The following NXPE3 variants were observed in gnomAD, a reference collection of about 807,000 sequenced individuals.
The protein encoded by NXPE3 is neurexophilin and PC-esterase domain family member 3, also known as NXPE family member 3.
A neutral mutation model predicts 46.1 loss-of-function variants in NXPE3; 26 were observed. That is an observed-to-expected ratio of 0.56 (90% CI 0.41 to 0.78). The LOEUF is 0.78. NXPE3 is among the 30% of genes least tolerant of loss of function. The pLI is 0.00. For synonymous variants in NXPE3, 272 were observed against 257.9 expected, an observed-to-expected ratio of 1.05 and a Z score of -0.52; for missense variants, 620 against 686.0, an observed-to-expected ratio of 0.90 and a Z score of 1.07.
In NXPE3 at chr3:101,801,588, C is replaced by G; in HGVS notation, c.447C>G (p.His149Gln). The G allele has an allele frequency of 6.2e-7, 1 of 1,614,236 alleles. No homozygotes were observed. The highest frequency in any genetic ancestry group is 8.5e-7 in the Non-Finnish European group (1 of 1,180,036). The change falls in exon 5 of 8, where the codon CAC (histidine) becomes CAG (glutamine). Residue 149 changes from histidine to glutamine, a missense_variant. His to Gln is a conservative substitution (Grantham distance 24). Around this residue, in one of 3 missense-constraint regions of NXPE3, gnomAD observed 511 missense variants for 528.6 expected, o/e 0.97. Transcript: ENST00000273347. ...YGGDYLQARI[H>Q]SLKLQAGAVG... ...GAGACTACCTGCAGGCCAGAATTCA[C>G]TCCCTCAAGCTGCAGGCTGGGGCTG...
At chr3:101,814,204 G>T (rs559210255) in intron 6 of NXPE3, among the ~76,000 whole-genome samples, 12 of 152,286 alleles carry the variant, frequency 7.9e-5, no homozygotes, top group African/African-American at 1.9e-4. Flanking sequence ...AATGTTTTCT[G>T]TGGGCCCTAG....
At position 101,816,847 on chromosome 3, in the gene NXPE3, T is replaced by C. The variant is rs1941993648; in HGVS notation, c.975T>C (p.Tyr325=). 6.2e-7 allele frequency: 1 copy of C among 1,614,044 alleles called. No individual in the cohort carries two copies. The highest frequency in any genetic ancestry group is 1.3e-5 in the African/African-American group (1 of 74,928). The part of the protein sequence containing the change: ...SQGSGTFPSG[Y]YYKDQWRPRK... The stretch of plus-strand genomic sequence containing the variant: ...GCTCAGGAACTTTTCCTTCTGGGTA[T>C]TATTATAAAGACCAGTGGAGGCCCA... The change falls in exon 7 of 8, where the codon TAT becomes TAC. Residue 325 remains tyrosine (Y), a synonymous_variant. Transcript: ENST00000273347.
At chr3:101,781,977 C>G (rs1277829138) in intron 1 of NXPE3, 133 bp from the exon 2 acceptor site, 2 of 152,096 alleles carry the variant, frequency 1.3e-5, no homozygotes, top group Non-Finnish European at 1.5e-5. Flanking sequence ...GGAAACGTTC[C>G]TATGCCCACT....
In NXPE3 at chr3:101,827,705, C is replaced by A. The variant is rs752835328; in HGVS notation, c.*5751C>A. 5.3e-5 allele frequency among the ~76,000 whole-genome samples: 8 copies of A among 152,128 alleles called. No individual in the cohort carries two copies. The highest frequency in any genetic ancestry group is 1.2e-4 in the Non-Finnish European group (8 of 68,026). ...CTGATTCCTCCCTGCGGCTCCAGTC[C>A]AGGTCTTGGAGCCGGCCCTCGAGGG... On this transcript the variant is annotated 3_prime_UTR_variant, in exon 8 of 8. Transcript: ENST00000273347.
chr3:101,791,406 G>T (rs1940510834), intron 4 of NXPE3, among the ~76,000 whole-genome samples: 1 of 151,748 alleles, frequency 6.6e-6, no homozygotes. Flanking sequence ...TTATTTTTGG[G>T]TCAGAGTCTT....
intron 3 of NXPE3, among the ~76,000 whole-genome samples, chr3:101,783,304 G>A (rs1301241622): frequency 6.6e-6 from 1 of 151,478 alleles, no homozygotes; most frequent in East Asian, 2.0e-4. Flanking sequence ...CTTGTGATCC[G>A]CCTGCCTCGG....
intron 4 of NXPE3, among the ~76,000 whole-genome samples, chr3:101,799,270 C>A (rs1199007298): frequency 5.3e-5 from 8 of 152,014 alleles, no homozygotes; most frequent in African/African-American, 1.5e-4. Context: ...AAGATGAGGC[C>A]TCTGCTTCAT....
intron 6 of NXPE3, among the ~76,000 whole-genome samples, chr3:101,814,395 A>G (rs1291519085): frequency 6.6e-6 from 1 of 152,206 alleles, no homozygotes; most frequent in African/African-American, 2.4e-5. Context: ...TGATAATCGC[A>G]TTTGCCAAAT....
intron 3 of NXPE3, among the ~76,000 whole-genome samples, chr3:101,784,851 A>G (rs576861717): frequency 5.3e-5 from 8 of 152,170 alleles, no homozygotes; most frequent in Non-Finnish European, 1.2e-4. Flanking sequence ...CATCAGGACC[A>G]CATATGTGGT....
At position 101,827,600 on chromosome 3, in the gene NXPE3, T is replaced by C. The variant is rs1942551400; in HGVS notation, c.*5646T>C. On this transcript the variant is annotated 3_prime_UTR_variant, in exon 8 of 8. Transcript: ENST00000273347. ...GAGGTGAATCTAATGAGAAGGCAACTCTAATGCCCATCAGGAGATTCACTA... is the reference window on the plus strand; with the variant it reads ...GAGGTGAATCTAATGAGAAGGCAACCCTAATGCCCATCAGGAGATTCACTA... 6.6e-6 allele frequency among the ~76,000 whole-genome samples: 1 copy of C among 152,170 alleles called. No homozygotes were observed. The highest frequency in any genetic ancestry group is 6.5e-5 in the Admixed American group (1 of 15,280).
intron 6 of NXPE3, among the ~76,000 whole-genome samples, chr3:101,813,246 C>G (rs1423713146): frequency 6.6e-6 from 1 of 152,202 alleles, no homozygotes; most frequent in Non-Finnish European, 1.5e-5. Flanking sequence ...CCCTTATAAA[C>G]TGTGTACTCC....
At chr3:101,817,061 C>A in intron 7 of NXPE3, 60 bp downstream of exon 7, 1 of 1,428,956 alleles carries the variant, frequency 7.0e-7, no homozygotes, top group Non-Finnish European at 9.9e-7. Context: ...AATAAGCAGA[C>A]TCACTCAGGT....
rs778649548 is a variant in NXPE3 at position 101,782,733 on chromosome 3, G to C, written c.-243G>C. ...GTTCACTGCAGCCTCGACCTCCCAG[G>C]CTCAAGCAATTCTCCTACCTCAGCC... On this transcript the variant is annotated 5_prime_UTR_variant, in exon 3 of 8. Coordinates refer to ENST00000273347, the MANE Select transcript of NXPE3 (RefSeq NM_145037.4). 2.0e-5 allele frequency: 3 copies of C among 151,998 alleles called. No individual in the cohort carries two copies. The highest frequency in any genetic ancestry group is 4.4e-5 in the Non-Finnish European group (3 of 68,038). 9.4% of individuals were successfully genotyped at this position (151,998 alleles called of 1,614,324 possible).
At chr3:101,818,745 AT>A (rs1560067419) in intron 7 of NXPE3, among the ~76,000 whole-genome samples, 1 of 21,688 alleles carries the variant, frequency 4.6e-5, no homozygotes, top group African/African-American at 1.7e-4. Flanking sequence ...ATATATATAT[AT>A]ATATATATTT....
At chr3:101,788,105 A>G (rs747122853) in intron 4 of NXPE3, among the ~76,000 whole-genome samples, 2 of 152,158 alleles carry the variant, frequency 1.3e-5, no homozygotes, top group Non-Finnish European at 2.9e-5. Context: ...ATGTGAGGTA[A>G]TGTATAACAG....
At chr3:101,797,186 G>A (rs146850867) in intron 4 of NXPE3, among the ~76,000 whole-genome samples, 1 of 152,286 alleles carries the variant, frequency 6.6e-6, no homozygotes, top group East Asian at 1.9e-4. Flanking sequence ...TCTTTACTCT[G>A]AGTGAATGTA....
chr3:101,790,616 A>T (rs1365811513), intron 4 of NXPE3, among the ~76,000 whole-genome samples: 1 of 152,018 alleles, frequency 6.6e-6, no homozygotes, highest in Non-Finnish European at 1.5e-5. Context: ...TTTTTGAGAC[A>T]GGGTCATGCT....
At chr3:101,793,407 G>C (rs1940627660) in intron 4 of NXPE3, among the ~76,000 whole-genome samples, 1 of 152,100 alleles carries the variant, frequency 6.6e-6, no homozygotes, top group Admixed American at 6.6e-5. Flanking sequence ...TTTAAAACAG[G>C]TTTCTTCTAG....
Position 101,827,751 on chromosome 3 carries a change from G to C in NXPE3, c.*5797G>C, listed in dbSNP as rs538699138. 1.1e-4 allele frequency among the ~76,000 whole-genome samples: 16 copies of C among 152,174 alleles called. No homozygotes were observed. The highest frequency in any genetic ancestry group is 4.6e-4 in the Admixed American group (7 of 15,302). ...GAGGGGAATGTCCGGGACTCGGGTC[G>C]GTACCTTTTTGGTCTGGGAATTTCC... is the stretch of plus-strand genomic sequence containing the variant. On this transcript the variant is annotated 3_prime_UTR_variant, in exon 8 of 8. Transcript: ENST00000273347.
Sources: allele counts gnomAD v4.1 joint callset (sites outside exome capture counted in the v4.1 genomes callset), GRCh38; gene constraint gnomAD v4.1.1; regional missense constraint gnomAD v4.1.1; transcripts MANE v1.5; gene names NCBI Gene and HGNC (gene_info 2026-07-23, HGNC 2026-07-21).